The following MIS18A variants were observed in gnomAD, a reference collection of about 807,000 sequenced individuals.
MIS18A encodes the protein protein Mis18-alpha.
A neutral mutation model predicts 25.0 loss-of-function variants in MIS18A; 14 were observed. That is an observed-to-expected ratio of 0.56 (90% confidence interval 0.37 to 0.88). The LOEUF (loss-of-function observed/expected upper bound fraction) is 0.88, where lower values mean the gene tolerates loss of function less well. MIS18A is among the 40% of genes least tolerant of loss of function. The pLI, the probability that MIS18A is intolerant of heterozygous loss-of-function variation, is 0.00. For missense variants in MIS18A, 292 were observed against 290.8 expected, an observed-to-expected ratio of 1.00 and a Z score of -0.03; for synonymous variants, 134 against 118.6, an observed-to-expected ratio of 1.13 and a Z score of -0.84.
the MIS18A span, among the ~76,000 whole-genome samples, chr21:32,208,129 G>A: frequency 2.0e-5 from 3 of 150,748 alleles, no homozygotes; most frequent in Non-Finnish European, 4.4e-5. Flanking sequence ...TCTGCCTTTC[G>A]TCTCTCTCTC....
the MIS18A span, among the ~76,000 whole-genome samples, chr21:32,195,980 A>G: frequency 6.6e-6 from 1 of 151,914 alleles, no homozygotes; most frequent in Non-Finnish European, 1.5e-5. Context: ...AGATTGTTCC[A>G]CTGCACTCCA....
the MIS18A span, among the ~76,000 whole-genome samples, chr21:32,165,061 C>T: frequency 7.3e-3 from 1,115 of 152,244 alleles, 21 homozygotes; most frequent in African/African-American, 0.026. Flanking sequence ...TGGCCGGGCA[C>T]GGTGGCTCAT....
the MIS18A span, among the ~76,000 whole-genome samples, chr21:32,247,456 A>C: frequency 2.0e-5 from 3 of 152,192 alleles, no homozygotes; most frequent in East Asian, 1.9e-4. Context: ...GCTAGAGTGG[A>C]CCCCTTTGGG....
At chr21:32,257,660 C>G in the MIS18A span, among the ~76,000 whole-genome samples, 1 of 152,128 alleles carries the variant, frequency 6.6e-6, no homozygotes, top group African/African-American at 2.4e-5. Flanking sequence ...TACGGAGCAT[C>G]CTAATCCAAC....
chr21:32,208,887 A>G, the MIS18A span, among the ~76,000 whole-genome samples: 1 of 152,230 alleles, frequency 6.6e-6, no homozygotes, highest in Non-Finnish European at 1.5e-5. Flanking sequence ...TCTCATCACC[A>G]GGTGTCCCTC....
At chr21:32,169,564 A>G in the MIS18A span, among the ~76,000 whole-genome samples, 3 of 152,162 alleles carry the variant, frequency 2.0e-5, no homozygotes, top group Non-Finnish European at 4.4e-5. Context: ...CCCAGGAAAT[A>G]TCTGAGAAAA....
At chr21:32,238,327 T>G in the MIS18A span, among the ~76,000 whole-genome samples, 960 of 152,270 alleles carry the variant, frequency 6.3e-3, 14 homozygotes, top group African/African-American at 0.021. Context: ...CTTAGGTTTG[T>G]TCCACATATT....
chr21:32,162,203 C>T, the MIS18A span, among the ~76,000 whole-genome samples: 8 of 152,170 alleles, frequency 5.3e-5, no homozygotes, highest in Admixed American at 1.3e-4. Flanking sequence ...CTCTCAAAGA[C>T]GACCAAGTGA....
chr21:32,256,918 A>C, the MIS18A span, among the ~76,000 whole-genome samples: 1 of 152,216 alleles, frequency 6.6e-6, no homozygotes, highest in East Asian at 1.9e-4. Context: ...AGGAAAAAAA[A>C]ACAGGCTAGA....
chr21:32,238,743 C>T, the MIS18A span, among the ~76,000 whole-genome samples: 1 of 152,184 alleles, frequency 6.6e-6, no homozygotes, highest in Admixed American at 6.5e-5. Flanking sequence ...ATCTTTGTGA[C>T]TGTACCACTC....
chr21:32,263,215 A>C, the MIS18A span, among the ~76,000 whole-genome samples: 6 of 152,254 alleles, frequency 3.9e-5, no homozygotes, highest in Admixed American at 3.9e-4. Context: ...CATAACATCA[A>C]CTACTTATAT....
intron 1 of MIS18A, chr21:32,278,133 T>C (rs1362306249): frequency 1.3e-5 from 2 of 152,758 alleles, no homozygotes; most frequent in Non-Finnish European, 2.9e-5. Context: ...TCCTGCCTTC[T>C]TCTGAACTCT....
Position 32,269,157 on chromosome 21 carries a change from T to C in MIS18A, c.622-40A>G, listed in dbSNP as rs1203589154. On this transcript the variant is annotated intron_variant, in intron 4 of 4. Transcript: ENST00000290130. ...AAATAAAAAAATAAAGAAACACACATATAATTAAAAATTATACATGGTTAA... is the reference window on the plus strand; with the variant it reads ...AAATAAAAAAATAAAGAAACACACACATAATTAAAAATTATACATGGTTAA... 4 of 1,387,224 alleles carry C rather than the reference T, an allele frequency of 2.9e-6. No homozygotes were observed. In the South Asian group the frequency reaches 5.3e-5, roughly 18 times the overall value. 85.9% of individuals were successfully genotyped at this position (1,387,224 alleles called of 1,614,324 possible).
chr21:32,236,611 G>A, the MIS18A span, among the ~76,000 whole-genome samples: 1 of 152,112 alleles, frequency 6.6e-6, no homozygotes, highest in Non-Finnish European at 1.5e-5. Context: ...CTCTTGTCTG[G>A]TGAGTCCAGC....
the MIS18A span, among the ~76,000 whole-genome samples, chr21:32,182,116 G>A: frequency 6.6e-6 from 1 of 152,186 alleles, no homozygotes; most frequent in Non-Finnish European, 1.5e-5. Context: ...CCTATGACCA[G>A]CTTCCTTGGA....
At chr21:32,207,854 CG>C in the MIS18A span, among the ~76,000 whole-genome samples, 3 of 152,256 alleles carry the variant, frequency 2.0e-5, no homozygotes, top group African/African-American at 7.2e-5. Context: ...CTCCTGGGCC[CG>C]GGGTCTACTT....
the MIS18A span, among the ~76,000 whole-genome samples, chr21:32,193,466 TGATA>T: frequency 2.8e-5 from 4 of 142,458 alleles, no homozygotes; most frequent in South Asian, 7.1e-4. Context: ...AATAGGTTGA[TGATA>T]GATAGATAGG....
At chr21:32,219,175 C>A in the MIS18A span, among the ~76,000 whole-genome samples, 10 of 151,974 alleles carry the variant, frequency 6.6e-5, no homozygotes, top group African/African-American at 2.4e-4. Context: ...ATGCATTATT[C>A]GGGGGCTAGC....
At chr21:32,213,432 A>C in the MIS18A span, among the ~76,000 whole-genome samples, 1 of 152,288 alleles carries the variant, frequency 6.6e-6, no homozygotes, top group Non-Finnish European at 1.5e-5. Flanking sequence ...ATAATATGCT[A>C]CTCTTTGGAC....
Sources: gnomAD v4.1 joint callset for allele counts (sites outside exome capture counted in the v4.1 genomes callset) on GRCh38, gnomAD v4.1.1 for gene constraint, MANE v1.5 for transcripts, NCBI Gene and HGNC (gene_info 2026-07-23, HGNC 2026-07-21) for gene names.